Variants in CHODL observed in about 807,000 individuals in gnomAD.
The protein encoded by CHODL is chondrolectin, also known as transmembrane protein MT75.
CHODL carries 29 observed loss-of-function variants against 34.5 expected under a neutral mutation model. That is an observed-to-expected ratio of 0.84 (90% confidence interval 0.63 to 1.15). The LOEUF (loss-of-function observed/expected upper bound fraction) is 1.15. Ranked by LOEUF, CHODL falls within the 50% of genes most tolerant of loss-of-function variation. The probability of loss-of-function intolerance (pLI) is 0.00; values close to 1 mark genes in which losing one functional copy is unlikely to be tolerated. For synonymous variants in CHODL, 125 were observed against 116.1 expected (o/e 1.08, Z -0.49); for missense variants, 332 against 332.5 (o/e 1.00, Z 0.01).
intron 2 of CHODL, among the ~76,000 whole-genome samples, chr21:18,100,886 T>C (rs899382847): frequency 1.4e-4 from 22 of 152,110 alleles, no homozygotes; most frequent in African/African-American, 5.1e-4. Context: ...AAGATTTTTT[T>C]CCCCCAGTTT....
chr21:18,023,699 A>G (rs1035274811), intron 1 of CHODL, among the ~76,000 whole-genome samples: 2 of 152,172 alleles, frequency 1.3e-5, no homozygotes, highest in African/African-American at 4.8e-5. Flanking sequence ...GGAAAGTCAT[A>G]GGCAGGTTTT....
chr21:17,964,596 A>G (rs1414427563), intron 1 of CHODL, among the ~76,000 whole-genome samples: 1 of 152,188 alleles, frequency 6.6e-6, no homozygotes, highest in Non-Finnish European at 1.5e-5. Context: ...TTGTTTTAGA[A>G]AGGTTTGTTT....
chr21:18,175,915 G>A (rs2178915), intron 2 of CHODL, among the ~76,000 whole-genome samples: 26,293 of 152,064 alleles, frequency 0.17, 3,171 homozygotes, highest in East Asian at 0.48. Context: ...ACATCATTGT[G>A]GCAATGGAGA....
chr21:18,028,281 T>TCA (rs2068762449), intron 2 of CHODL, among the ~76,000 whole-genome samples: 1 of 101,632 alleles, frequency 9.8e-6, no homozygotes, highest in African/African-American at 3.6e-5. Context: ...CTTTTCCCCT[T>TCA]CCTTCCTTCC....
At chr21:18,008,726 G>A (rs1303386003) in intron 1 of CHODL, among the ~76,000 whole-genome samples, 2 of 152,098 alleles carry the variant, frequency 1.3e-5, no homozygotes, top group Admixed American at 6.5e-5. Flanking sequence ...TACTATTTAA[G>A]TATTGTAATT....
intron 1 of CHODL, among the ~76,000 whole-genome samples, chr21:18,026,905 ATAGT>A (rs1386198171): frequency 6.6e-6 from 1 of 152,140 alleles, no homozygotes. Context: ...GAAGGATGTG[ATAGT>A]TAAAGTTTTA....
intron 2 of CHODL, among the ~76,000 whole-genome samples, chr21:18,100,336 G>A (rs1252432117): frequency 6.6e-6 from 1 of 152,026 alleles, no homozygotes; most frequent in Non-Finnish European, 1.5e-5. Flanking sequence ...GGATGATAAT[G>A]TCTTTATAAG....
chr21:17,991,543 C>T (rs572664454), intron 1 of CHODL, among the ~76,000 whole-genome samples: 3 of 151,902 alleles, frequency 2.0e-5, no homozygotes, highest in African/African-American at 7.2e-5. Flanking sequence ...TATTTGTATT[C>T]CTCTAATGAT....
At chr21:18,166,567 A>G (rs750437624) in intron 2 of CHODL, among the ~76,000 whole-genome samples, 47 of 151,938 alleles carry the variant, frequency 3.1e-4, no homozygotes, top group Non-Finnish European at 6.2e-4. Context: ...TCTCCATTAA[A>G]CAATGCTAAT....
chr21:18,122,038 A>G (rs1440598884), intron 2 of CHODL, among the ~76,000 whole-genome samples: 2 of 152,218 alleles, frequency 1.3e-5, no homozygotes, highest in Non-Finnish European at 2.9e-5. Context: ...TAAGTGAATT[A>G]TAGCCCCTAA....
intron 2 of CHODL, among the ~76,000 whole-genome samples, chr21:18,197,687 G>T (rs959992451): frequency 3.9e-5 from 6 of 152,158 alleles, no homozygotes; most frequent in Non-Finnish European, 7.3e-5. Context: ...GACAGATGAG[G>T]TTTGAAGAGT....
chr21:18,146,578 T>C (rs541374067), intron 2 of CHODL, among the ~76,000 whole-genome samples: 33 of 152,176 alleles, frequency 2.2e-4, no homozygotes, highest in Non-Finnish European at 4.0e-4. Flanking sequence ...CCTTCCATCA[T>C]AATTGTAAGT....
intron 1 of CHODL, among the ~76,000 whole-genome samples, chr21:18,006,611 A>C (rs1325359119): frequency 1.3e-5 from 2 of 152,236 alleles, no homozygotes; most frequent in Non-Finnish European, 2.9e-5. Flanking sequence ...ATTCTAATGC[A>C]AAACATTCTT....
At chr21:18,080,946 C>T (rs1002427675) in intron 2 of CHODL, among the ~76,000 whole-genome samples, 2 of 152,112 alleles carry the variant, frequency 1.3e-5, no homozygotes, top group African/African-American at 4.8e-5. Context: ...ATTTTAACTA[C>T]ATTTATCCTT....
intron 2 of CHODL, among the ~76,000 whole-genome samples, chr21:18,173,614 A>G (rs79544406): frequency 0.011 from 1,669 of 152,246 alleles, 11 homozygotes; most frequent in Middle Eastern, 0.068. Flanking sequence ...GGGATTTGCT[A>G]TTGATTACAC....
chr21:18,091,116 C>T (rs2065068147), intron 2 of CHODL, among the ~76,000 whole-genome samples: 1 of 152,212 alleles, frequency 6.6e-6, no homozygotes, highest in Non-Finnish European at 1.5e-5. Context: ...TAAAGCCATG[C>T]TTGGCTTAGC....
At chr21:17,967,296 A>G (rs1463108190) in intron 1 of CHODL, among the ~76,000 whole-genome samples, 2 of 152,324 alleles carry the variant, frequency 1.3e-5, no homozygotes, top group Non-Finnish European at 2.9e-5. Context: ...CACTACTAGT[A>G]TGCTACACTT....
At chr21:17,994,764 T>C (rs1235065922) in intron 1 of CHODL, among the ~76,000 whole-genome samples, 1 of 152,062 alleles carries the variant, frequency 6.6e-6, no homozygotes, top group Non-Finnish European at 1.5e-5. Flanking sequence ...GAAGGCAGGG[T>C]TCAACCCCCC....
At chr21:18,029,954 G>T (rs568669310) in intron 2 of CHODL, among the ~76,000 whole-genome samples, 1 of 152,126 alleles carries the variant, frequency 6.6e-6, no homozygotes, top group Non-Finnish European at 1.5e-5. Context: ...TCCTCTCTTG[G>T]ATCCTGGGGC....
Sources: gnomAD v4.1 joint callset for allele counts (sites outside exome capture counted in the v4.1 genomes callset) on GRCh38, gnomAD v4.1.1 for gene constraint, MANE v1.5 for transcripts, NCBI Gene and HGNC (gene_info 2026-07-23, HGNC 2026-07-21) for gene names.